THEMIS: variants seen among roughly 807,000 people sequenced by gnomAD.
THEMIS encodes the protein thymocyte selection associated.
A neutral mutation model predicts 52.6 loss-of-function variants in THEMIS; 37 were observed. The ratio of observed to expected loss-of-function variants is 0.70; its 90% CI spans 0.54 to 0.93. The LOEUF is 0.93. Among genes scored for constraint, THEMIS ranks in the 40% least tolerant of loss-of-function variants. The probability of loss-of-function intolerance (pLI) is 0.00; values close to 1 mark genes in which losing one functional copy is unlikely to be tolerated. For missense variants in THEMIS, 808 were observed against 763.1 expected, an observed-to-expected ratio of 1.06 and a Z score of -0.69; for synonymous variants, 292 against 272.7, an observed-to-expected ratio of 1.07 and a Z score of -0.70.
At chr6:127,723,235 A>T (rs999870979) in intron 4 of THEMIS, among the ~76,000 whole-genome samples, 4 of 151,876 alleles carry the variant, frequency 2.6e-5, no homozygotes, top group African/African-American at 9.7e-5. Flanking sequence ...TCCAGCATCC[A>T]TTGCTGCTCA....
At chr6:127,759,643 C>T (rs1223659325) in intron 4 of THEMIS, among the ~76,000 whole-genome samples, 2 of 152,184 alleles carry the variant, frequency 1.3e-5, no homozygotes, top group Non-Finnish European at 2.9e-5. Context: ...TCTTCAAACA[C>T]ATCCAGCATG....
chr6:127,746,814 A>T (rs1199721673), intron 4 of THEMIS, among the ~76,000 whole-genome samples: 8 of 38,758 alleles, frequency 2.1e-4, no homozygotes, highest in Admixed American at 6.2e-4. Flanking sequence ...TATTATATAT[A>T]ATTATATATT....
intron 1 of THEMIS, among the ~76,000 whole-genome samples, chr6:127,857,632 A>G (rs1779661501): frequency 1.3e-5 from 2 of 152,062 alleles, no homozygotes. Context: ...AGGACAGGTC[A>G]TTTGTACTCT....
At chr6:127,735,526 T>G (rs1241541193) in intron 4 of THEMIS, among the ~76,000 whole-genome samples, 1 of 152,172 alleles carries the variant, frequency 6.6e-6, no homozygotes, top group African/African-American at 2.4e-5. Context: ...ATGTTTGGGA[T>G]TTTTAGCTTT....
At chr6:127,861,594 GC>G (rs1340001334) in intron 1 of THEMIS, among the ~76,000 whole-genome samples, 1 of 151,764 alleles carries the variant, frequency 6.6e-6, no homozygotes, top group Non-Finnish European at 1.5e-5. Flanking sequence ...GACCAGCCTG[GC>G]CAACATGGTG....
At chr6:127,797,992 T>G (rs570766493) in intron 4 of THEMIS, among the ~76,000 whole-genome samples, 3 of 152,240 alleles carry the variant, frequency 2.0e-5, no homozygotes, top group African/African-American at 7.2e-5. Flanking sequence ...GGATGAAGAG[T>G]CAGTGAAACA....
In THEMIS at chr6:127,884,951, T is replaced by C. The variant is rs141620445; in HGVS notation, c.91+15891A>G. Among the ~76,000 whole-genome samples the C allele has an allele frequency of 2.0e-4, 31 of 152,212 alleles. 1 individual carries two copies. The East Asian group carries it at 4.9e-3, about 24-fold the overall frequency. On this transcript the variant is annotated intron_variant, in intron 1 of 5. Transcript: ENST00000368248. ...ATGTTTACAGAGAGCTTTCTGTATC[T>C]CTTCTTATAAGGACCCTAATCCTAT...
intron 4 of THEMIS, among the ~76,000 whole-genome samples, chr6:127,731,168 T>C (rs949444079): frequency 6.6e-6 from 1 of 152,210 alleles, no homozygotes; most frequent in African/African-American, 2.4e-5. Context: ...ATATGTGAAT[T>C]TATTTTTCCA....
intron 1 of THEMIS, among the ~76,000 whole-genome samples, chr6:127,912,611 G>A (rs2114534280): frequency 6.6e-6 from 1 of 152,250 alleles, no homozygotes; most frequent in South Asian, 2.1e-4. Flanking sequence ...GGGATGACTT[G>A]TAACCAGAAT....
intron 4 of THEMIS, among the ~76,000 whole-genome samples, chr6:127,793,234 G>A (rs896863967): frequency 2.0e-5 from 3 of 152,180 alleles, no homozygotes; most frequent in Non-Finnish European, 4.4e-5. Flanking sequence ...ACATTGGGAC[G>A]GATTTGGCAG....
chr6:127,699,777 C>T, the THEMIS span, among the ~76,000 whole-genome samples: 3 of 151,764 alleles, frequency 2.0e-5, no homozygotes, highest in Non-Finnish European at 2.9e-5. Flanking sequence ...AAAAAAGCAT[C>T]TTTACAACCA....
At chr6:127,787,083 C>T (rs990913293) in intron 4 of THEMIS, among the ~76,000 whole-genome samples, 16 of 152,174 alleles carry the variant, frequency 1.1e-4, no homozygotes, top group African/African-American at 3.4e-4. Context: ...AGCTGACTCC[C>T]TACTGTCCCC....
chr6:127,785,147 AC>A (rs1373181132), intron 4 of THEMIS, among the ~76,000 whole-genome samples: 2 of 151,740 alleles, frequency 1.3e-5, no homozygotes, highest in East Asian at 3.9e-4. Context: ...TTGTCTACCT[AC>A]CTAATCTATT....
At chr6:127,849,526 G>A (rs1039309128) in intron 2 of THEMIS, among the ~76,000 whole-genome samples, 2 of 151,854 alleles carry the variant, frequency 1.3e-5, no homozygotes, top group African/African-American at 4.8e-5. Context: ...AAACAACATA[G>A]TACTTGTATG....
At chr6:127,762,870 C>T (rs1176893551) in intron 4 of THEMIS, among the ~76,000 whole-genome samples, 2 of 151,806 alleles carry the variant, frequency 1.3e-5, no homozygotes, top group Non-Finnish European at 2.9e-5. Context: ...GCTACATACA[C>T]AGAAGTAATA....
At chr6:127,907,932 A>G (rs1781317496) in intron 1 of THEMIS, among the ~76,000 whole-genome samples, 1 of 151,952 alleles carries the variant, frequency 6.6e-6, no homozygotes, top group South Asian at 2.1e-4. Context: ...TTTCATTCTT[A>G]ATTTATAAGA....
downstream of THEMIS, chr6:127,708,036 G>A (rs976463283): frequency 6.6e-6 from 1 of 152,040 alleles, no homozygotes; most frequent in African/African-American, 2.4e-5. Context: ...CATAGGGGAT[G>A]GAGAGGGCAG....
chr6:127,742,708 C>T (rs1357694036), intron 4 of THEMIS, among the ~76,000 whole-genome samples: 1 of 151,968 alleles, frequency 6.6e-6, no homozygotes, highest in Non-Finnish European at 1.5e-5. Flanking sequence ...ACATGAGATA[C>T]CTAGAGTAGT....
intron 3 of THEMIS, among the ~76,000 whole-genome samples, chr6:127,827,773 A>G (rs888229657): frequency 6.6e-6 from 1 of 152,120 alleles, no homozygotes; most frequent in Non-Finnish European, 1.5e-5. Flanking sequence ...TCTCTACTGT[A>G]TAAATTTCCT....
Sources: gnomAD v4.1 joint callset for allele counts (sites outside exome capture counted in the v4.1 genomes callset) on GRCh38, gnomAD v4.1.1 for gene constraint, MANE v1.5 for transcripts, NCBI Gene and HGNC (gene_info 2026-07-23, HGNC 2026-07-21) for gene names.